Variants in GRHL2 observed in about 807,000 individuals in gnomAD.
The protein encoded by GRHL2 is grainyhead like transcription factor 2.
A neutral mutation model predicts 83.8 loss-of-function variants in GRHL2; 21 were observed. The ratio of observed to expected loss-of-function variants is 0.25; its 90% confidence interval spans 0.18 to 0.36. The LOEUF (loss-of-function observed/expected upper bound fraction) is 0.36, where lower values mean the gene tolerates loss of function less well. Ranked by LOEUF, GRHL2 falls within the 10% of genes least tolerant of loss-of-function variation. The probability of loss-of-function intolerance (pLI) is 1.00; values close to 1 mark genes in which losing one functional copy is unlikely to be tolerated. For missense variants in GRHL2, 623 were observed against 781.8 expected (o/e 0.80, Z 2.42); for synonymous variants, 280 against 278.9 (o/e 1.00, Z -0.04).
At chr8:101,670,711 C>CTGTT (rs1272065271), downstream of GRHL2, among the ~76,000 whole-genome samples, 3 of 152,190 alleles carry the variant, frequency 2.0e-5, no homozygotes, top group Non-Finnish European at 4.4e-5. Context: ...CACGGTCCTG[C>CTGTT]TGTTAGGTGC....
rs1563627087 is a variant in GRHL2 at position 101,652,438 on chromosome 8, G to GT, written c.1698+2939_1698+2940insT. On this transcript the variant is annotated intron_variant, in intron 14 of 15. Transcript: ENST00000646743. ...GTGTGTGTGTGTGGTGTGTGTGTCT[G>GT]GTGTGTGTGGTGTGTGTCTGGTGTG... Among the ~76,000 whole-genome samples, 33 of 65,384 alleles carry GT rather than the reference G, an allele frequency of 5.0e-4. 2 individuals carry two copies. Among genetic ancestry groups the GT allele is most frequent in the South Asian group, 6.4e-4 (1 of 1,554 alleles). The allele number at this position is 65,384 out of a possible 152,430, so 42.9% of individuals were successfully genotyped here. A position where few individuals can be genotyped will look rare whatever the true frequency, so the allele number is the denominator to read the frequency against.
chr8:101,603,530 T>A (rs1322606157), intron 8 of GRHL2, among the ~76,000 whole-genome samples: 2 of 152,224 alleles, frequency 1.3e-5, no homozygotes, highest in Non-Finnish European at 2.9e-5. Context: ...TCATTTAATT[T>A]AATTAAATTA....
intron 7 of GRHL2, among the ~76,000 whole-genome samples, chr8:101,593,912 C>CA (rs1288906549): frequency 1.3e-5 from 2 of 150,880 alleles, no homozygotes; most frequent in African/African-American, 2.4e-5. Flanking sequence ...CTAAAAATAT[C>CA]AAAAAAATTA....
At chr8:101,661,096 C>T (rs955468911) in intron 14 of GRHL2, among the ~76,000 whole-genome samples, 2 of 152,212 alleles carry the variant, frequency 1.3e-5, no homozygotes, top group African/African-American at 2.4e-5. Context: ...TGGCCCAACA[C>T]AAATTCGTAA....
chr8:101,580,427 C>A (rs1320358727), intron 7 of GRHL2, among the ~76,000 whole-genome samples: 2 of 152,152 alleles, frequency 1.3e-5, no homozygotes, highest in African/African-American at 4.8e-5. Flanking sequence ...TGTGTTTGTA[C>A]CCATTAACCA....
chr8:101,625,346 A>G (rs756768633), intron 9 of GRHL2, among the ~76,000 whole-genome samples: 19 of 152,126 alleles, frequency 1.2e-4, no homozygotes, highest in Non-Finnish European at 2.5e-4. Flanking sequence ...AATATAATAA[A>G]TAATAAGAAA....
chr8:101,543,050 C>CACTTTATTACTTTA (rs971317713), intron 1 of GRHL2, among the ~76,000 whole-genome samples, 191 bp from the exon 2 acceptor site: 8 of 152,226 alleles, frequency 5.3e-5, no homozygotes, highest in African/African-American at 1.7e-4. Context: ...TTTTTAAAGA[C>CACTTTATTACTTTA]TTATTACTTC....
At chr8:101,670,729 GTGT>G, downstream of GRHL2, among the ~76,000 whole-genome samples, 1 of 152,334 alleles carries the variant, frequency 6.6e-6, no homozygotes, top group East Asian at 1.9e-4. Flanking sequence ...TGCTCGCCAT[GTGT>G]GCCAACCAGT....
At chr8:101,550,205 T>G (rs1811350652) in intron 2 of GRHL2, among the ~76,000 whole-genome samples, 1 of 151,498 alleles carries the variant, frequency 6.6e-6, no homozygotes, top group African/African-American at 2.4e-5. Context: ...AAATTATCAT[T>G]TCAACTTTTG....
chr8:101,673,393 G>A (rs1182746848), downstream of GRHL2, among the ~76,000 whole-genome samples: 1 of 151,938 alleles, frequency 6.6e-6, no homozygotes, highest in African/African-American at 2.4e-5. Context: ...AAAGGCAGGG[G>A]TTGCAATCCT....
the GRHL2 span, among the ~76,000 whole-genome samples, chr8:101,675,285 G>T: frequency 1.3e-5 from 2 of 152,126 alleles, no homozygotes; most frequent in Admixed American, 1.3e-4. Context: ...GTTTGCAGAT[G>T]ACATGATTGT....
chr8:101,677,027 C>G, the GRHL2 span, among the ~76,000 whole-genome samples: 1 of 151,122 alleles, frequency 6.6e-6, no homozygotes, highest in Non-Finnish European at 1.5e-5. Context: ...CACATGGACA[C>G]AGGAAGGGGA....
intron 9 of GRHL2, among the ~76,000 whole-genome samples, chr8:101,621,888 AAAT>A (rs1812973476): frequency 6.6e-6 from 1 of 152,174 alleles, no homozygotes; most frequent in African/African-American, 2.4e-5. Context: ...TATCTAAAAA[AAAT>A]AAAATCCAAT....
At chr8:101,609,759 T>C (rs147776393) in intron 8 of GRHL2, among the ~76,000 whole-genome samples, 1 of 151,000 alleles carries the variant, frequency 6.6e-6, no homozygotes, top group Non-Finnish European at 1.5e-5. Context: ...ATGAGGTGTA[T>C]TTGTATTTGC....
intron 2 of GRHL2, among the ~76,000 whole-genome samples, chr8:101,544,824 T>C (rs1260714619): frequency 6.6e-6 from 1 of 152,204 alleles, no homozygotes; most frequent in Non-Finnish European, 1.5e-5. Flanking sequence ...TTCTGCTTCC[T>C]ACTTCCTGTT....
At chr8:101,554,533 AC>A (rs112785455) in intron 3 of GRHL2, among the ~76,000 whole-genome samples, 7,395 of 152,236 alleles carry the variant, frequency 0.049, 558 homozygotes, top group African/African-American at 0.17. Flanking sequence ...TTAAAAAAAA[AC>A]TGCAGTGAAG....
intron 7 of GRHL2, among the ~76,000 whole-genome samples, chr8:101,585,408 A>C (rs555714288): frequency 6.6e-6 from 1 of 152,238 alleles, no homozygotes; most frequent in Admixed American, 6.5e-5. Flanking sequence ...ACCTCTTGAG[A>C]GCTCCCAAAT....
chr8:101,563,384 C>A (rs555694112), intron 4 of GRHL2, among the ~76,000 whole-genome samples: 1 of 151,756 alleles, frequency 6.6e-6, no homozygotes, highest in African/African-American at 2.4e-5. Context: ...TTCAGGTGAG[C>A]AAAGAGTACA....
rs1021329491 is a variant in GRHL2, at chr8:101,552,661, C to A, written c.217-54C>A. ...GCTTATGCCGGTGTCCAGCTCTGAA[C>A]ATGGTCATGGTTGCCTCTGTGTATG... is the stretch of plus-strand genomic sequence containing the variant. On this transcript the variant is annotated intron_variant, in intron 2 of 15. Coordinates refer to ENST00000646743, the MANE Select transcript of GRHL2 (RefSeq NM_024915.4). 1.6e-5 allele frequency: 25 copies of A among 1,539,056 alleles called. No individual in the cohort carries two copies. The Admixed American group carries it at 2.7e-4, about 16-fold the overall frequency.
Sources: allele counts gnomAD v4.1 joint callset (sites outside exome capture counted in the v4.1 genomes callset), GRCh38; gene constraint gnomAD v4.1.1; transcripts MANE v1.5; gene names NCBI Gene and HGNC (gene_info 2026-07-23, HGNC 2026-07-21).